Variants in PCDH9 observed in about 807,000 individuals in gnomAD.
PCDH9 encodes protocadherin-9.
Under a neutral mutation model 70.6 loss-of-function variants are expected in PCDH9, and 24 were observed. That is an observed-to-expected ratio of 0.34 (90% CI 0.25 to 0.48). The LOEUF (loss-of-function observed/expected upper bound fraction) is 0.48. PCDH9 is among the 20% of genes least tolerant of loss of function. The pLI is 0.99. For synonymous variants in PCDH9, 562 were observed against 558.5 expected (o/e 1.01, Z -0.09); for missense variants, 1,281 against 1,503.6 (o/e 0.85, Z 2.45).
At chr13:66,743,967 C>T (rs1375041757) in intron 3 of PCDH9, among the ~76,000 whole-genome samples, 1 of 151,732 alleles carries the variant, frequency 6.6e-6, no homozygotes, top group Non-Finnish European at 1.5e-5. Context: ...ACCCACATAC[C>T]AAATTGAAAA....
chr13:66,506,087 T>C (rs1234519270), intron 4 of PCDH9, among the ~76,000 whole-genome samples: 10 of 152,186 alleles, frequency 6.6e-5, no homozygotes, highest in Non-Finnish European at 1.5e-4. Flanking sequence ...ATACTTCCTA[T>C]GTTTCTCTCT....
At chr13:66,659,452 T>C (rs557900187) in intron 3 of PCDH9, among the ~76,000 whole-genome samples, 1 of 152,176 alleles carries the variant, frequency 6.6e-6, no homozygotes, top group Admixed American at 6.5e-5. Context: ...CAGAATGACT[T>C]ACAGAAAAAC....
intron 4 of PCDH9, among the ~76,000 whole-genome samples, chr13:66,607,645 C>T (rs1168986554): frequency 1.3e-5 from 2 of 151,938 alleles, no homozygotes; most frequent in Admixed American, 1.3e-4. Context: ...TCTCATAGTA[C>T]CAATGAATTA....
intron 4 of PCDH9, among the ~76,000 whole-genome samples, chr13:66,399,869 T>C (rs1324953076): frequency 2.6e-5 from 4 of 152,248 alleles, no homozygotes; most frequent in Admixed American, 2.6e-4. Flanking sequence ...AATACCTGTT[T>C]ATATATACAA....
chr13:67,035,449 C>A (rs1008787394), intron 2 of PCDH9, among the ~76,000 whole-genome samples: 1 of 151,960 alleles, frequency 6.6e-6, no homozygotes, highest in Non-Finnish European at 1.5e-5. Context: ...TGAACACTTA[C>A]AGCTGTTCAT....
chr13:67,015,176 A>ACC (rs1333265377), intron 2 of PCDH9, among the ~76,000 whole-genome samples: 1 of 151,964 alleles, frequency 6.6e-6, no homozygotes, highest in African/African-American at 2.4e-5. Flanking sequence ...TTTTGAAGAC[A>ACC]CCCCTTTAAT....
At chr13:67,046,488 G>A (rs2085224226) in intron 2 of PCDH9, among the ~76,000 whole-genome samples, 1 of 152,030 alleles carries the variant, frequency 6.6e-6, no homozygotes, top group South Asian at 2.1e-4. Flanking sequence ...CTAAAGTCAA[G>A]TTCACAATGA....
At chr13:66,757,471 T>C (rs2079554421) in intron 3 of PCDH9, among the ~76,000 whole-genome samples, 1 of 152,180 alleles carries the variant, frequency 6.6e-6, no homozygotes, top group Non-Finnish European at 1.5e-5. Context: ...TAATTTACCA[T>C]CATTGGGTTT....
At chr13:67,159,050 C>T (rs569256577) in intron 2 of PCDH9, among the ~76,000 whole-genome samples, 27 of 152,244 alleles carry the variant, frequency 1.8e-4, no homozygotes, top group African/African-American at 6.3e-4. Context: ...TTCAAAAGAA[C>T]CATAAAAGGA....
chr13:66,390,116 A>G (rs1290841091), intron 4 of PCDH9, among the ~76,000 whole-genome samples: 1 of 152,202 alleles, frequency 6.6e-6, no homozygotes, highest in Non-Finnish European at 1.5e-5. Context: ...ATATTTAATC[A>G]CTGTCTAAAA....
chr13:66,776,053 T>C (rs1275416605), intron 3 of PCDH9, among the ~76,000 whole-genome samples: 1 of 152,294 alleles, frequency 6.6e-6, no homozygotes, highest in East Asian at 1.9e-4. Context: ...TCTCACTCTG[T>C]TTACCCTATT....
intron 3 of PCDH9, among the ~76,000 whole-genome samples, chr13:66,772,437 A>T (rs1284943893): frequency 6.6e-6 from 1 of 152,046 alleles, no homozygotes; most frequent in Non-Finnish European, 1.5e-5. Context: ...TCTTTGGATT[A>T]TTTTTCTGTT....
chr13:66,401,916 C>T (rs1011581198), intron 4 of PCDH9, among the ~76,000 whole-genome samples: 1 of 152,104 alleles, frequency 6.6e-6, no homozygotes, highest in African/African-American at 2.4e-5. Flanking sequence ...TGTCAAGGTA[C>T]CCCACCCAAC....
chr13:66,651,027 G>T (rs2138990525), intron 3 of PCDH9, among the ~76,000 whole-genome samples: 1 of 151,716 alleles, frequency 6.6e-6, no homozygotes, highest in Admixed American at 6.6e-5. Flanking sequence ...ATGCGATACA[G>T]CAAAAACAAT....
intron 2 of PCDH9, among the ~76,000 whole-genome samples, chr13:67,073,481 A>C (rs1254712399): frequency 1.3e-5 from 2 of 151,976 alleles, no homozygotes; most frequent in African/African-American, 4.8e-5. Flanking sequence ...GTGGAAAATA[A>C]AAAATAGAAC....
At chr13:66,409,032 T>C (rs1461564563) in intron 4 of PCDH9, among the ~76,000 whole-genome samples, 3 of 151,848 alleles carry the variant, frequency 2.0e-5, no homozygotes, top group Non-Finnish European at 2.9e-5. Flanking sequence ...AAAGAATACA[T>C]ACAAGAATAG....
chr13:66,548,271 A>C (rs905972043), intron 4 of PCDH9, among the ~76,000 whole-genome samples: 3 of 152,110 alleles, frequency 2.0e-5, no homozygotes, highest in Non-Finnish European at 2.9e-5. Flanking sequence ...TTTTTTAAAA[A>C]ACACTTTCTT....
chr13:67,081,161 A>T (rs565936017), intron 2 of PCDH9, among the ~76,000 whole-genome samples: 15 of 152,338 alleles, frequency 9.8e-5, no homozygotes, highest in African/African-American at 3.6e-4. Flanking sequence ...AAAGGAACTG[A>T]CTCAGAGATA....
chr13:66,976,222 A>C (rs900293619), intron 2 of PCDH9, among the ~76,000 whole-genome samples: 1 of 152,092 alleles, frequency 6.6e-6, no homozygotes, highest in African/African-American at 2.4e-5. Context: ...TTTCAGTTGC[A>C]TGCAGTTATT....
Sources: allele counts gnomAD v4.1 joint callset (sites outside exome capture counted in the v4.1 genomes callset), GRCh38; gene constraint gnomAD v4.1.1; transcripts MANE v1.5; gene names NCBI Gene and HGNC (gene_info 2026-07-23, HGNC 2026-07-21).